The following KAZN variants were observed in gnomAD, a reference collection of about 807,000 sequenced individuals.
The protein encoded by KAZN is kazrin, periplakin interacting protein.
A neutral mutation model predicts 87.4 loss-of-function variants in KAZN; 40 were observed. That is an observed-to-expected ratio of 0.46 (90% CI 0.36 to 0.60). KAZN has a LOEUF of 0.60. Ranked by LOEUF, KAZN falls within the 20% of genes least tolerant of loss-of-function variation. KAZN has a pLI of 0.00. For synonymous variants in KAZN, 466 were observed against 458.3 expected, an observed-to-expected ratio of 1.02 and a Z score of -0.22; for missense variants, 898 against 1,073.9, an observed-to-expected ratio of 0.84 and a Z score of 2.29.
chr1:14,378,511 G>A (rs1661095397), intron 2 of KAZN, among the ~76,000 whole-genome samples: 2 of 152,164 alleles, frequency 1.3e-5, no homozygotes, highest in Admixed American at 1.3e-4. Context: ...TTAAACTGTC[G>A]ACATTACCCC....
At chr1:14,130,099 C>G (rs1318927139) in intron 1 of KAZN, among the ~76,000 whole-genome samples, 1 of 152,252 alleles carries the variant, frequency 6.6e-6, no homozygotes, top group Admixed American at 6.5e-5. Flanking sequence ...TATTATCTTT[C>G]TGCTGACCAT....
chr1:14,754,558 G>A (rs1445031477), intron 1 of KAZN, among the ~76,000 whole-genome samples: 5 of 152,234 alleles, frequency 3.3e-5, no homozygotes, highest in African/African-American at 1.2e-4. Context: ...GCTTGAACTT[G>A]AGAAGTAGAG....
At chr1:14,326,025 C>T (rs1381553801) in intron 2 of KAZN, among the ~76,000 whole-genome samples, 2 of 152,168 alleles carry the variant, frequency 1.3e-5, no homozygotes, top group African/African-American at 4.8e-5. Context: ...CTTGAGAAAT[C>T]ATCTCCACAT....
intron 2 of KAZN, among the ~76,000 whole-genome samples, chr1:14,251,012 T>C (rs1649983378): frequency 6.6e-6 from 1 of 152,080 alleles, no homozygotes; most frequent in African/African-American, 2.4e-5. Context: ...ACAAAAAACA[T>C]GTTTCCCCTT....
chr1:14,351,698 A>C (rs1369434297), intron 2 of KAZN, among the ~76,000 whole-genome samples: 1 of 152,232 alleles, frequency 6.6e-6, no homozygotes, highest in East Asian at 1.9e-4. Context: ...CAGCCCTTTG[A>C]AGACCTTTCT....
chr1:14,666,106 G>A (rs186487543), intron 1 of KAZN, among the ~76,000 whole-genome samples: 90 of 151,932 alleles, frequency 5.9e-4, no homozygotes, highest in East Asian at 1.4e-3. Flanking sequence ...CTATAATGAC[G>A]GAGAGGGTCT....
chr1:14,527,061 G>A (rs150650518), intron 2 of KAZN, among the ~76,000 whole-genome samples: 11 of 152,166 alleles, frequency 7.2e-5, no homozygotes, highest in East Asian at 5.8e-4. Context: ...AAACATCCCC[G>A]AATTCAATGG....
At chr1:14,447,257 G>A (rs1005194700) in intron 2 of KAZN, among the ~76,000 whole-genome samples, 14 of 109,132 alleles carry the variant, frequency 1.3e-4, no homozygotes, top group African/African-American at 2.6e-4. Flanking sequence ...TATTATTATT[G>A]AGGCAGAATT....
intron 2 of KAZN, among the ~76,000 whole-genome samples, chr1:14,553,725 C>G (rs4233530): frequency 6.6e-6 from 1 of 151,974 alleles, no homozygotes; most frequent in Admixed American, 6.6e-5. Context: ...CCATGTGGAA[C>G]GATGGGGCTT....
At chr1:14,067,639 C>A (rs370750976) in intron 1 of KAZN, among the ~76,000 whole-genome samples, 3 of 152,210 alleles carry the variant, frequency 2.0e-5, no homozygotes, top group African/African-American at 4.8e-5. Flanking sequence ...TCTGTCCCCC[C>A]CCATACTGCT....
chr1:14,535,335 C>A (rs1438749468), intron 2 of KAZN, among the ~76,000 whole-genome samples: 1 of 152,218 alleles, frequency 6.6e-6, no homozygotes, highest in Non-Finnish European at 1.5e-5. Flanking sequence ...CAAGAAACTG[C>A]AATATCAAAT....
chr1:14,825,760 A>G (rs1020071736), intron 1 of KAZN, among the ~76,000 whole-genome samples: 4 of 152,134 alleles, frequency 2.6e-5, no homozygotes, highest in African/African-American at 9.7e-5. Context: ...TGTGTTCTTC[A>G]TACCTTACCT....
At chr1:14,800,179 T>A (rs1645964253) in intron 1 of KAZN, among the ~76,000 whole-genome samples, 1 of 152,098 alleles carries the variant, frequency 6.6e-6, no homozygotes, top group African/African-American at 2.4e-5. Context: ...GATCTCCAGG[T>A]TTTTGTGATC....
intron 1 of KAZN, among the ~76,000 whole-genome samples, chr1:13,997,595 C>T (rs752978483): frequency 3.3e-5 from 5 of 151,370 alleles, no homozygotes; most frequent in Admixed American, 6.6e-5. Context: ...ACAGCTGAAT[C>T]GACCAAGCAG....
At chr1:14,945,279 G>C (rs553343175) in intron 1 of KAZN, among the ~76,000 whole-genome samples, 18 of 152,294 alleles carry the variant, frequency 1.2e-4, no homozygotes, top group African/African-American at 1.4e-4. Context: ...CCCAGTCCTG[G>C]TCTTTCTCAG....
intron 2 of KAZN, among the ~76,000 whole-genome samples, chr1:14,974,452 A>T (rs1366820903): frequency 6.6e-6 from 1 of 152,190 alleles, no homozygotes; most frequent in African/African-American, 2.4e-5. Flanking sequence ...GTAAGATCAG[A>T]CCCAGCTGCT....
intron 2 of KAZN, among the ~76,000 whole-genome samples, chr1:14,202,218 A>G (rs1403964277): frequency 2.0e-5 from 3 of 152,312 alleles, no homozygotes; most frequent in Non-Finnish European, 4.4e-5. Context: ...CCTGCATTCA[A>G]GCTGCACACT....
intron 1 of KAZN, among the ~76,000 whole-genome samples, chr1:14,619,945 C>T (rs529797315): frequency 2.6e-5 from 4 of 152,252 alleles, no homozygotes; most frequent in South Asian, 2.1e-4. Flanking sequence ...TTGATGGGCA[C>T]GTGAGTTGTT....
chr1:14,878,460 A>G (rs998470596), intron 1 of KAZN, among the ~76,000 whole-genome samples: 1 of 152,042 alleles, frequency 6.6e-6, no homozygotes, highest in South Asian at 2.1e-4. Flanking sequence ...TCCCCACTTG[A>G]GAACCACCAA....
Sources: gnomAD v4.1 joint callset for allele counts (sites outside exome capture counted in the v4.1 genomes callset) on GRCh38, gnomAD v4.1.1 for gene constraint, MANE v1.5 for transcripts, NCBI Gene and HGNC (gene_info 2026-07-23, HGNC 2026-07-21) for gene names.